ACOXL: variants seen among roughly 807,000 people sequenced by gnomAD.
ACOXL encodes acyl-coenzyme A oxidase-like protein.
ACOXL carries 70 observed loss-of-function variants against 71.9 expected under a neutral mutation model. The observed-to-expected ratio is 0.97, with a 90% CI of 0.80 to 1.19. ACOXL has a LOEUF of 1.19. Among genes scored for constraint, ACOXL ranks in the 50% most tolerant of loss-of-function variants. The probability of loss-of-function intolerance (pLI) is 0.00; values close to 1 mark genes in which losing one functional copy is unlikely to be tolerated. For synonymous variants in ACOXL, 253 were observed against 281.6 expected, an observed-to-expected ratio of 0.90 and a Z score of 1.02; for missense variants, 703 against 736.3, an observed-to-expected ratio of 0.95 and a Z score of 0.52.
chr2:111,088,247 G>A (rs1010168474), intron 16 of ACOXL, among the ~76,000 whole-genome samples: 1 of 152,150 alleles, frequency 6.6e-6, no homozygotes, highest in African/African-American at 2.4e-5. Flanking sequence ...ATTCCTCAAA[G>A]AACTAAAAGC....
intron 9 of ACOXL, among the ~76,000 whole-genome samples, chr2:110,817,946 T>C (rs1573661906): frequency 1.4e-5 from 2 of 148,114 alleles, no homozygotes; most frequent in South Asian, 2.1e-4. Flanking sequence ...CAATCCATGC[T>C]CCTGACTTTT....
intron 16 of ACOXL, among the ~76,000 whole-genome samples, chr2:111,087,567 C>T (rs763529808): frequency 4.6e-5 from 7 of 152,114 alleles, no homozygotes; most frequent in Non-Finnish European, 8.8e-5. Flanking sequence ...GGAGGGGACT[C>T]CCTATTCAAT....
chr2:110,801,500 A>C (rs1435662231), intron 7 of ACOXL, 152 bp from the exon 8 acceptor site: 3 of 650,232 alleles, frequency 4.6e-6, no homozygotes, highest in African/African-American at 3.7e-5. Flanking sequence ...AGGAAACAAC[A>C]GACAACATCC....
At chr2:110,811,324 A>G (rs1157544249) in intron 9 of ACOXL, among the ~76,000 whole-genome samples, 2 of 152,102 alleles carry the variant, frequency 1.3e-5, no homozygotes, top group Non-Finnish European at 2.9e-5. Flanking sequence ...GTGGGGGGTC[A>G]GTGTGGGGAC....
intron 2 of ACOXL, among the ~76,000 whole-genome samples, chr2:110,779,715 T>A (rs1445613231): frequency 3.9e-5 from 6 of 152,190 alleles, no homozygotes; most frequent in Non-Finnish European, 5.9e-5. Context: ...GGAAAAGCAA[T>A]GTCTTGGCAG....
chr2:110,965,187 A>G (rs762574173), intron 12 of ACOXL, among the ~76,000 whole-genome samples: 8 of 152,156 alleles, frequency 5.3e-5, no homozygotes, highest in African/African-American at 1.7e-4. Context: ...GTATTCCATT[A>G]TGTGTATATA....
intron 14 of ACOXL, among the ~76,000 whole-genome samples, chr2:111,001,962 C>T (rs990887761): frequency 2.6e-5 from 4 of 152,212 alleles, no homozygotes; most frequent in East Asian, 1.9e-4. Context: ...CCTGTAGTCA[C>T]GCCCTCATGG....
intron 12 of ACOXL, among the ~76,000 whole-genome samples, chr2:110,969,810 C>A (rs201968630): frequency 3.7e-4 from 52 of 140,936 alleles, no homozygotes; most frequent in South Asian, 1.1e-3. Context: ...GACTTTGTCT[C>A]AAAAAAAAAG....
intron 11 of ACOXL, among the ~76,000 whole-genome samples, chr2:110,921,520 AGTAGCTG>A (rs2060075949): frequency 6.6e-6 from 1 of 150,708 alleles, no homozygotes; most frequent in South Asian, 2.1e-4. Flanking sequence ...CAGCCTCCCA[AGTAGCTG>A]GGACTACAGG....
chr2:110,956,147 T>A (rs2341914), intron 12 of ACOXL, among the ~76,000 whole-genome samples: 1 of 151,554 alleles, frequency 6.6e-6, no homozygotes, highest in African/African-American at 2.4e-5. Flanking sequence ...AGGCTGGTCT[T>A]GAACTCCTGA....
intron 10 of ACOXL, among the ~76,000 whole-genome samples, chr2:110,846,678 G>A (rs1202535143): frequency 1.8e-5 from 1 of 55,232 alleles, no homozygotes; most frequent in Non-Finnish European, 3.9e-5. Flanking sequence ...CACACACAGT[G>A]TAACACATGC....
intron 12 of ACOXL, among the ~76,000 whole-genome samples, chr2:110,944,133 C>T (rs905897783): frequency 1.0e-3 from 159 of 152,102 alleles, no homozygotes; most frequent in Non-Finnish European, 1.7e-3. Flanking sequence ...TCTTGGCTTA[C>T]TGCAACCTCC....
At chr2:111,028,378 A>G (rs2065111189) in intron 14 of ACOXL, among the ~76,000 whole-genome samples, 3 of 151,656 alleles carry the variant, frequency 2.0e-5, no homozygotes, top group South Asian at 2.1e-4. Context: ...GGCTCAAGCA[A>G]TCCTCCCACC....
At chr2:111,110,953 T>C (rs1017902403) in intron 17 of ACOXL, among the ~76,000 whole-genome samples, 2 of 152,216 alleles carry the variant, frequency 1.3e-5, no homozygotes, top group Non-Finnish European at 2.9e-5. Flanking sequence ...TGGACTCTTA[T>C]TGTATTTTTA....
At chr2:110,769,974 C>T (rs759431492) in intron 2 of ACOXL, among the ~76,000 whole-genome samples, 18 of 151,206 alleles carry the variant, frequency 1.2e-4, no homozygotes, top group South Asian at 2.1e-4. Flanking sequence ...CTCCAGAGGT[C>T]GAGGCTGCAG....
rs113159193 is a variant in ACOXL at position 110,817,228 on chromosome 2, G to A, written c.753+11833G>A. 1.7e-3 allele frequency among the ~76,000 whole-genome samples: 253 copies of A among 152,340 alleles called. 1 individual carries two copies. Among genetic ancestry groups the A allele is most frequent in the African/African-American group, 5.7e-3 (239 of 41,572 alleles). On this transcript the variant is annotated intron_variant, in intron 9 of 17. Coordinates refer to ENST00000439055, the MANE Select transcript of ACOXL (RefSeq NM_001142807.4). ...GCTAGGCTCTTGAGATTCCATGTGT[G>A]TGTTCTCATTCAGTGCTCACAGCAA...
At chr2:110,845,558 A>T (rs1478399300) in intron 10 of ACOXL, among the ~76,000 whole-genome samples, 1 of 152,086 alleles carries the variant, frequency 6.6e-6, no homozygotes, top group Non-Finnish European at 1.5e-5. Context: ...GCAAACTGTA[A>T]CTCCATACCC....
At chr2:111,021,155 A>C (rs1414672480) in intron 14 of ACOXL, among the ~76,000 whole-genome samples, 1 of 152,136 alleles carries the variant, frequency 6.6e-6, no homozygotes, top group African/African-American at 2.4e-5. Flanking sequence ...GGGACAGGCA[A>C]GGGTGGCAGG....
intron 16 of ACOXL, among the ~76,000 whole-genome samples, chr2:111,050,950 A>T (rs1430671843): frequency 6.6e-6 from 1 of 152,172 alleles, no homozygotes; most frequent in Non-Finnish European, 1.5e-5. Flanking sequence ...GTTAGAAACT[A>T]ACAGATTGGG....
Sources: gnomAD v4.1 joint callset for allele counts (sites outside exome capture counted in the v4.1 genomes callset) on GRCh38, gnomAD v4.1.1 for gene constraint, MANE v1.5 for transcripts, NCBI Gene and HGNC (gene_info 2026-07-23, HGNC 2026-07-21) for gene names.